The following CREBBP variants were observed in gnomAD, a reference collection of about 807,000 sequenced individuals.
The protein encoded by CREBBP is CREB-binding protein.
A neutral mutation model predicts 265.0 loss-of-function variants in CREBBP; 19 were observed. That is an observed-to-expected ratio of 0.07 (90% CI 0.05 to 0.11). The LOEUF (loss-of-function observed/expected upper bound fraction) is 0.11. CREBBP is among the 10% of genes least tolerant of loss of function. The pLI is 1.00. For synonymous variants in CREBBP, 1,457 were observed against 1,223.7 expected (o/e 1.19, Z -3.98); for missense variants, 2,525 against 3,219.0 (o/e 0.78, Z 5.22).
At chr16:3,740,765 G>A (rs1177640605) in intron 23 of CREBBP, 6 of 630,470 alleles carry the variant, frequency 9.5e-6, no homozygotes, top group African/African-American at 1.8e-5. Context: ...CCTGAAAACC[G>A]TTTACGTGCC....
chr16:3,836,892 T>A (rs1000898568), intron 2 of CREBBP, among the ~76,000 whole-genome samples: 2 of 152,218 alleles, frequency 1.3e-5, no homozygotes, highest in Non-Finnish European at 2.9e-5. Flanking sequence ...TGTCATAGCA[T>A]AAGGCATTAC....
At chr16:3,774,743 C>A in intron 11 of CREBBP, 50 bp from the exon 12 acceptor site, 1 of 1,612,674 alleles carries the variant, frequency 6.2e-7, no homozygotes. Context: ...CACAGGAAAA[C>A]AGAATTACAA....
rs886624136 is a variant in CREBBP at position 3,736,485 on chromosome 16, G to C, written c.4560+165C>G. On this transcript the variant is annotated intron_variant, in intron 27 of 30. Coordinates refer to ENST00000262367, the MANE Select transcript of CREBBP (RefSeq NM_004380.3). ...GACGGCCAGGGGAAAGCCTCAATCA[G>C]CTGAAGAAAATGCTTCTAAGTTCTC... The C allele has an allele frequency of 3.8e-6, 4 of 1,058,390 alleles. No individual in the cohort carries two copies. In the East Asian group the frequency reaches 7.5e-5, roughly 20 times the overall value. The allele number at this position is 1,058,390 out of a possible 1,614,324, so 65.6% of individuals were successfully genotyped here.
At position 3,879,981 on chromosome 16, in the gene CREBBP, G is replaced by T. The variant is rs751625669; in HGVS notation, c.-65C>A. 9.3e-6 allele frequency: 14 copies of T among 1,499,444 alleles called. No individual in the cohort carries two copies. The Admixed American group carries it at 1.4e-4, about 15-fold the overall frequency. The allele number at this position is 1,499,444 out of a possible 1,614,324, so 92.9% of individuals were successfully genotyped here. On this transcript the variant is annotated 5_prime_UTR_variant, in exon 1 of 31. Transcript: ENST00000262367. ...CGGGCCGGCGAGGGCCCGGACGGGG[G>T]TCGGGGGCCCTGCCGGCTGCGAGGG...
intron 1 of CREBBP, among the ~76,000 whole-genome samples, chr16:3,856,136 T>C (rs182784314): frequency 3.3e-4 from 51 of 152,338 alleles, no homozygotes; most frequent in African/African-American, 1.2e-3. Flanking sequence ...TTTTATTTTT[T>C]ATTTTATGTT....
At chr16:3,767,553 T>C in intron 16 of CREBBP, 167 bp downstream of exon 16, 1 of 894,138 alleles carries the variant, frequency 1.1e-6, no homozygotes, top group Non-Finnish European at 1.7e-6. Flanking sequence ...GCAGGGGTCC[T>C]GCTCAGCCTG....
intron 21 of CREBBP, among the ~76,000 whole-genome samples, chr16:3,748,874 G>A (rs773853237): frequency 5.9e-5 from 9 of 152,166 alleles, no homozygotes; most frequent in South Asian, 2.1e-4. Context: ...GGCCGGGCGC[G>A]GTGGCTCACG....
intron 2 of CREBBP, among the ~76,000 whole-genome samples, chr16:3,812,455 A>G (rs2053956962): frequency 6.6e-6 from 1 of 152,062 alleles, no homozygotes; most frequent in Non-Finnish European, 1.5e-5. Context: ...CTGGGATTAC[A>G]GGTGTGAGCC....
intron 2 of CREBBP, among the ~76,000 whole-genome samples, chr16:3,834,929 C>A (rs918461504): frequency 6.6e-6 from 1 of 152,076 alleles, no homozygotes; most frequent in Admixed American, 6.5e-5. Flanking sequence ...GAGGCCGAGG[C>A]GGGCGGATCA....
intron 3 of CREBBP, among the ~76,000 whole-genome samples, chr16:3,798,204 G>GT (rs1172552210): frequency 6.6e-6 from 1 of 152,150 alleles, no homozygotes; most frequent in Non-Finnish European, 1.5e-5. Context: ...ACACTTCAAC[G>GT]TAAGAGTGAC....
intron 1 of CREBBP, among the ~76,000 whole-genome samples, chr16:3,851,269 C>T (rs1597055411): frequency 1.5e-5 from 1 of 68,266 alleles, no homozygotes; most frequent in Admixed American, 2.3e-4. Context: ...GCCTGGGCAA[C>T]AAGACCGAAA....
chr16:3,874,649 C>G (rs546677337), intron 1 of CREBBP, among the ~76,000 whole-genome samples: 9 of 152,318 alleles, frequency 5.9e-5, no homozygotes, highest in Admixed American at 5.9e-4. Flanking sequence ...AAAAAGAGTT[C>G]TAGCGTCAAA....
intron 19 of CREBBP, among the ~76,000 whole-genome samples, chr16:3,755,422 G>A (rs2052564196): frequency 6.6e-6 from 1 of 152,178 alleles, no homozygotes; most frequent in South Asian, 2.1e-4. Flanking sequence ...ATTTTTCTGG[G>A]TGTAGTTAAT....
rs1267403627 is a variant in CREBBP, at chr16:3,749,731, T to A, written c.3780-48A>T. 3.1e-6 allele frequency: 4 copies of A among 1,297,408 alleles called. No individual in the cohort carries two copies. The South Asian group carries it at 3.7e-5, about 12-fold the overall frequency. 80.4% of individuals were successfully genotyped at this position (1,297,408 alleles called of 1,614,324 possible). The stretch of plus-strand genomic sequence containing the variant: ...TGTTTTATTAACTAAAATTTATCTG[T>A]TGAGTATAAACTATAGGGTCTCTGG... On this transcript the variant is annotated intron_variant, in intron 20 of 30. Transcript: ENST00000262367.
intron 5 of CREBBP, among the ~76,000 whole-genome samples, chr16:3,786,951 T>C (rs1305671482): frequency 2.6e-5 from 4 of 151,654 alleles, no homozygotes. Context: ...CATGTGCCTG[T>C]AATCCCAGCT....
intron 1 of CREBBP, among the ~76,000 whole-genome samples, chr16:3,867,173 G>A (rs1282893173): frequency 6.6e-6 from 1 of 152,048 alleles, no homozygotes; most frequent in Non-Finnish European, 1.5e-5. Flanking sequence ...TCTATTCCAG[G>A]AATTGAGAAA....
intron 16 of CREBBP, chr16:3,767,171 G>A (rs2052874977): frequency 6.3e-6 from 1 of 158,772 alleles, no homozygotes; most frequent in Admixed American, 6.1e-5. Context: ...ACACATCTCA[G>A]ACCCCAAAGA....
At chr16:3,850,160 C>T in intron 2 of CREBBP, 137 bp downstream of exon 2, 1 of 810,070 alleles carries the variant, frequency 1.2e-6, no homozygotes, top group Non-Finnish European at 2.1e-6. Context: ...AGAAATCTGT[C>T]TCTTCCAAGC....
At chr16:3,777,847 C>T (rs2053180828) in intron 10 of CREBBP, 164 bp downstream of exon 10, 2 of 1,072,260 alleles carry the variant, frequency 1.9e-6, no homozygotes, top group Non-Finnish European at 2.8e-6. Flanking sequence ...AACTCAGTGT[C>T]CCAACACAGC....
Sources: gnomAD v4.1 joint callset for allele counts (sites outside exome capture counted in the v4.1 genomes callset) on GRCh38, gnomAD v4.1.1 for gene constraint, MANE v1.5 for transcripts, NCBI Gene and HGNC (gene_info 2026-07-23, HGNC 2026-07-21) for gene names.